The following MGST2 variants were observed in gnomAD, a reference collection of about 807,000 sequenced individuals.
MGST2 encodes microsomal glutathione S-transferase 2.
Under a neutral mutation model 16.6 loss-of-function variants are expected in MGST2, and 9 were observed. The ratio of observed to expected loss-of-function variants is 0.54; its 90% confidence interval spans 0.33 to 0.95. The LOEUF (loss-of-function observed/expected upper bound fraction) is 0.95, where lower values mean the gene tolerates loss of function less well. MGST2 is among the 40% of genes least tolerant of loss of function. MGST2 has a pLI of 0.03. For missense variants in MGST2, 159 were observed against 175.1 expected, an observed-to-expected ratio of 0.91 and a Z score of 0.52; for synonymous variants, 79 against 68.0, an observed-to-expected ratio of 1.16 and a Z score of -0.79.
chr4:139,685,881 C>T (rs752083914), intron 2 of MGST2, among the ~76,000 whole-genome samples: 2 of 152,184 alleles, frequency 1.3e-5, no homozygotes, highest in South Asian at 4.1e-4. Flanking sequence ...CCAGGCTGGT[C>T]TCAAAGTCCT....
chr4:139,703,449 C>T lies in MGST2; in HGVS notation c.230-6C>T. On this transcript the variant is annotated splice_polypyrimidine_tract_variant and splice_region_variant and intron_variant, in intron 3 of 4. Transcript: ENST00000265498. ...CCTTTTCTTTTTTTTTCCCACCCCC[C>T]TATAGTTTTTGCTACTTGTCTGGGT... The T allele has an allele frequency of 6.2e-7, 1 of 1,613,094 alleles. No homozygotes were observed.
chr4:139,703,445 C>G lies in MGST2; in HGVS notation c.230-10C>G. ...TGTGCCTTTTCTTTTTTTTTCCCAC[C>G]CCCCTATAGTTTTTGCTACTTGTCT... On this transcript the variant is annotated splice_polypyrimidine_tract_variant and intron_variant, in intron 3 of 4. Coordinates refer to ENST00000265498, the MANE Select transcript of MGST2 (RefSeq NM_002413.5). 6.2e-7 allele frequency: 1 copy of G among 1,611,790 alleles called. No homozygotes were observed. The highest frequency in any genetic ancestry group is 2.2e-5 in the East Asian group (1 of 44,844).
chr4:139,696,060 TATTAAA>T (rs1259405944), intron 3 of MGST2, among the ~76,000 whole-genome samples: 1 of 152,228 alleles, frequency 6.6e-6, no homozygotes, highest in Admixed American at 6.5e-5. Flanking sequence ...AAGAAAATGT[TATTAAA>T]ATTATAAGTA....
intron 3 of MGST2, among the ~76,000 whole-genome samples, chr4:139,702,666 T>C (rs985266058): frequency 5.9e-5 from 9 of 152,008 alleles, no homozygotes; most frequent in African/African-American, 1.9e-4. Flanking sequence ...TGTGAACACA[T>C]GCTTTCATTT....
At position 139,719,641 on chromosome 4, in the gene MGST2, C is replaced by T. The variant is rs374560185; in HGVS notation, c.*48+15445C>T. 2.8e-4 allele frequency: 445 copies of T among 1,612,350 alleles called. 3 individuals carry two copies. In the East Asian group the frequency reaches 5.5e-3, roughly 20 times the overall value. On this transcript the variant is annotated intron_variant, in intron 5 of 5. Transcript: ENST00000616265. ...GGCTGGTGCCTTGCTGCCCCGGGAG[C>T]GATGGCATCATCTGCCGACCCATGG... is the stretch of plus-strand genomic sequence containing the variant.
chr4:139,733,489 C>T (rs149392241), intron 5 of MGST2, among the ~76,000 whole-genome samples: 13 of 148,088 alleles, frequency 8.8e-5, no homozygotes, highest in Non-Finnish European at 1.8e-4. Flanking sequence ...GGGGTGACGA[C>T]GATACATCAA....
intron 5 of MGST2, among the ~76,000 whole-genome samples, chr4:139,709,872 T>A (rs1396092976): frequency 6.6e-6 from 1 of 152,204 alleles, no homozygotes; most frequent in Non-Finnish European, 1.5e-5. Flanking sequence ...CTGCAGTAAT[T>A]ACCTCCACCT....
downstream of MGST2, among the ~76,000 whole-genome samples, chr4:139,707,590 C>G (rs1727569332): frequency 6.6e-6 from 1 of 151,950 alleles, no homozygotes; most frequent in African/African-American, 2.4e-5. Flanking sequence ...ATGGCTGGGT[C>G]AAATGGTATT....
At chr4:139,724,860 G>A (rs1728401416) in intron 5 of MGST2, among the ~76,000 whole-genome samples, 1 of 150,584 alleles carries the variant, frequency 6.6e-6, no homozygotes, top group African/African-American at 2.4e-5. Context: ...CCGGGTTCAA[G>A]CGATTCTTGT....
At chr4:139,681,028 T>G (rs952479324) in intron 2 of MGST2, among the ~76,000 whole-genome samples, 74 of 152,130 alleles carry the variant, frequency 4.9e-4, no homozygotes, top group African/African-American at 1.7e-3. Flanking sequence ...AGAATTTTTT[T>G]TTTGTTTTGA....
chr4:139,692,546 C>T (rs951819125), intron 2 of MGST2, among the ~76,000 whole-genome samples: 7 of 152,198 alleles, frequency 4.6e-5, no homozygotes, highest in Non-Finnish European at 1.0e-4. Flanking sequence ...AAGGGTGTGA[C>T]TCTCCCCGAC....
the MGST2 span, among the ~76,000 whole-genome samples, chr4:139,747,416 G>A: frequency 3.9e-5 from 6 of 152,294 alleles, no homozygotes; most frequent in East Asian, 1.9e-4. Flanking sequence ...CTTGTAGGTC[G>A]GGCACAGTGG....
At chr4:139,674,585 G>C (rs1730871784) in intron 1 of MGST2, among the ~76,000 whole-genome samples, 1 of 151,778 alleles carries the variant, frequency 6.6e-6, no homozygotes, top group Admixed American at 6.6e-5. Context: ...TTCAAGACCA[G>C]CCTGGCCAAC....
At chr4:139,728,002 G>C (rs1400897686) in intron 5 of MGST2, among the ~76,000 whole-genome samples, 1 of 152,160 alleles carries the variant, frequency 6.6e-6, no homozygotes, top group Non-Finnish European at 1.5e-5. Context: ...GATTGCTTGA[G>C]CCCAGGAGTT....
intron 3 of MGST2, among the ~76,000 whole-genome samples, chr4:139,702,174 TC>T (rs1406748115): frequency 1.3e-5 from 2 of 152,162 alleles, no homozygotes; most frequent in African/African-American, 4.8e-5. Flanking sequence ...TAGAACATCA[TC>T]ATACTGTATT....
At chr4:139,718,501 G>T (rs1041929000) in intron 5 of MGST2, 3 of 152,322 alleles carry the variant, frequency 2.0e-5, no homozygotes, top group Non-Finnish European at 2.9e-5. Context: ...GCCGCCAGAA[G>T]TAGATGTGAC....
chr4:139,746,268 G>A, the MGST2 span, among the ~76,000 whole-genome samples: 1 of 152,000 alleles, frequency 6.6e-6, no homozygotes, highest in Non-Finnish European at 1.5e-5. Context: ...AACTAGAGAT[G>A]GTAATAAGAA....
chr4:139,675,089 T>C (rs560908178), intron 1 of MGST2, among the ~76,000 whole-genome samples: 55 of 152,358 alleles, frequency 3.6e-4, no homozygotes, highest in Non-Finnish European at 7.3e-4. Context: ...CAAGAACTTA[T>C]GTGAAGACGT....
chr4:139,749,193 C>T, the MGST2 span, among the ~76,000 whole-genome samples: 2 of 152,024 alleles, frequency 1.3e-5, no homozygotes, highest in Non-Finnish European at 2.9e-5. Flanking sequence ...TATGATATAC[C>T]CCAATTATAT....
Sources: allele counts gnomAD v4.1 joint callset (sites outside exome capture counted in the v4.1 genomes callset), GRCh38; gene constraint gnomAD v4.1.1; transcripts MANE v1.5; gene names NCBI Gene and HGNC (gene_info 2026-07-23, HGNC 2026-07-21).